The following CACNA1C variants were observed in gnomAD, a reference collection of about 807,000 sequenced individuals.
CACNA1C encodes the protein voltage-dependent L-type calcium channel subunit alpha-1C.
Under a neutral mutation model 229.0 loss-of-function variants are expected in CACNA1C, and 30 were observed. That is an observed-to-expected ratio of 0.13 (90% CI 0.10 to 0.18). The LOEUF is 0.18. CACNA1C is among the 10% of genes least tolerant of loss of function. The pLI is 1.00. For synonymous variants in CACNA1C, 1,114 were observed against 1,132.5 expected (o/e 0.98, Z 0.33); for missense variants, 1,658 against 2,845.0 (o/e 0.58, Z 9.49).
chr12:2,387,486 AAAAG>A (rs150599021), intron 3 of CACNA1C, among the ~76,000 whole-genome samples: 54 of 151,826 alleles, frequency 3.6e-4, no homozygotes, highest in African/African-American at 5.6e-4. Context: ...CTCCATCTCA[AAAAG>A]AAAGAAAGAA....
intron 30 of CACNA1C, among the ~76,000 whole-genome samples, chr12:2,636,621 T>C (rs1008441036): frequency 1.3e-5 from 2 of 152,214 alleles, no homozygotes; most frequent in African/African-American, 4.8e-5. Context: ...ACCTTTCCAG[T>C]GCCTCAGAGT....
At chr12:2,460,703 A>C (rs982344964) in intron 5 of CACNA1C, among the ~76,000 whole-genome samples, 1 of 152,192 alleles carries the variant, frequency 6.6e-6, no homozygotes, top group Non-Finnish European at 1.5e-5. Flanking sequence ...CGTGCAGTCC[A>C]GGAAAATATT....
Position 2,252,294 on chromosome 12 carries a change from C to G in CACNA1C, c.477+131864C>G, listed in dbSNP as rs758170. The stretch of plus-strand genomic sequence containing the variant: ...GCTTGCTTGAAGTGTGTAAATAGTC[C>G]GCCTGAAAAAGAAAGTCCAAAAAAG... On this transcript the variant is annotated intron_variant, in intron 3 of 46. Transcript: ENST00000399655. Among the ~76,000 whole-genome samples the G allele has an allele frequency of 4.6e-5, 7 of 151,996 alleles. No homozygotes were observed. The South Asian group carries it at 1.5e-3, about 32-fold the overall frequency.
In CACNA1C at chr12:2,677,545, A is replaced by G. The variant is rs1291011528; in HGVS notation, c.4957-188A>G. ...AGCCTTCATCCCTCCTGGATGGGCGAGTGGATTGTTCCATCAGAGGGCAGC... is the reference window on the plus strand; with the variant it reads ...AGCCTTCATCCCTCCTGGATGGGCGGGTGGATTGTTCCATCAGAGGGCAGC... On this transcript the variant is annotated intron_variant, in intron 40 of 46. Transcript: ENST00000399655. This position sits in a 1 kb window ranked among gnomAD's most constrained non-coding sequence, Gnocchi z 7.4. The G allele has an allele frequency of 3.0e-6, 2 of 673,384 alleles. No homozygotes were observed. Among genetic ancestry groups the G allele is most frequent in the African/African-American group, 1.8e-5 (1 of 55,594 alleles). The allele number at this position is 673,384 out of a possible 1,614,324, so 41.7% of individuals were successfully genotyped here. A position where few individuals can be genotyped will look rare whatever the true frequency, so the allele number is the denominator to read the frequency against.
At chr12:2,052,429 A>C (rs1716534514), upstream of CACNA1C, among the ~76,000 whole-genome samples, 1 of 151,990 alleles carries the variant, frequency 6.6e-6, no homozygotes, top group Non-Finnish European at 1.5e-5. Context: ...ATCCGAAACG[A>C]GACTCTGGTA....
At chr12:2,395,275 A>G (rs1210478887) in intron 3 of CACNA1C, among the ~76,000 whole-genome samples, 1 of 150,486 alleles carries the variant, frequency 6.6e-6, no homozygotes, top group Admixed American at 6.6e-5. Flanking sequence ...CTGAAGTGCA[A>G]TGACATGATC....
At chr12:2,416,686 C>T (rs1370171200) in intron 3 of CACNA1C, among the ~76,000 whole-genome samples, 1 of 152,204 alleles carries the variant, frequency 6.6e-6, no homozygotes, top group Non-Finnish European at 1.5e-5. Context: ...ACTCCACCCA[C>T]CATGCCAGGG....
intron 3 of CACNA1C, among the ~76,000 whole-genome samples, chr12:2,211,358 A>G (rs781738283): frequency 6.6e-5 from 10 of 152,226 alleles, no homozygotes; most frequent in Admixed American, 2.0e-4. Flanking sequence ...TTGTGGGCAC[A>G]TGGCTTCACC....
intron 9 of CACNA1C, among the ~76,000 whole-genome samples, chr12:2,548,053 A>G (rs527443287): frequency 6.6e-6 from 1 of 152,144 alleles, no homozygotes; most frequent in South Asian, 2.1e-4. Context: ...GTAGAGAGCT[A>G]AAAACTAAAA....
intron 5 of CACNA1C, among the ~76,000 whole-genome samples, chr12:2,473,704 C>A (rs1382118870): frequency 6.6e-6 from 1 of 152,128 alleles, no homozygotes; most frequent in African/African-American, 2.4e-5. Context: ...TTATTGATAG[C>A]AGAAGAGGAA....
intron 10 of CACNA1C, 132 bp from the exon 11 acceptor site, chr12:2,556,819 T>C (rs2044560367): frequency 2.6e-6 from 2 of 763,306 alleles, no homozygotes; most frequent in Non-Finnish European, 2.4e-6. Context: ...GATGTTCTAG[T>C]TCACACCATG....
intron 3 of CACNA1C, among the ~76,000 whole-genome samples, chr12:2,177,470 T>C (rs2096680339): frequency 6.6e-6 from 1 of 151,970 alleles, no homozygotes; most frequent in Non-Finnish European, 1.5e-5. Context: ...TCTCCCTTTC[T>C]TTCTTTCTCT....
At position 2,675,132 on chromosome 12, in the gene CACNA1C, A is replaced by G. The variant is rs2096738944; in HGVS notation, c.4828+490A>G. On this transcript the variant is annotated intron_variant, in intron 39 of 46. Transcript: ENST00000399655. The stretch of plus-strand genomic sequence containing the variant: ...CAAGCCTCAAATCCCTTTTTATAGC[A>G]AAGAGTTTATATTGCCTTTACTATG... 1.3e-5 allele frequency among the ~76,000 whole-genome samples: 2 copies of G among 152,122 alleles called. 1 individual carries two copies. The highest frequency in any genetic ancestry group is 4.1e-4 in the South Asian group (2 of 4,822).
At chr12:2,463,986 A>G (rs889357201) in intron 5 of CACNA1C, among the ~76,000 whole-genome samples, 2 of 152,312 alleles carry the variant, frequency 1.3e-5, no homozygotes, top group Admixed American at 1.3e-4. Context: ...TGCAATGTAT[A>G]TGCAAGGAGT....
intron 7 of CACNA1C, among the ~76,000 whole-genome samples, chr12:2,503,624 A>G (rs2099765374): frequency 6.6e-6 from 1 of 152,204 alleles, no homozygotes; most frequent in Non-Finnish European, 1.5e-5. Flanking sequence ...TCAAGCTGCC[A>G]GTGTGGTCAA....
chr12:2,503,883 A>T (rs968272412), intron 7 of CACNA1C, among the ~76,000 whole-genome samples: 2 of 152,196 alleles, frequency 1.3e-5, no homozygotes, highest in African/African-American at 4.8e-5. Flanking sequence ...GGCCCGCAGT[A>T]CGTGTGAAGC....
intron 8 of CACNA1C, among the ~76,000 whole-genome samples, chr12:2,505,260 G>A (rs2099769072): frequency 6.6e-6 from 1 of 152,092 alleles, no homozygotes; most frequent in African/African-American, 2.4e-5. Context: ...GAACAGGCCT[G>A]GGTAAGAAAA....
intron 8 of CACNA1C, among the ~76,000 whole-genome samples, chr12:2,508,795 T>C (rs1168858157): frequency 6.6e-6 from 1 of 152,144 alleles, no homozygotes; most frequent in African/African-American, 2.4e-5. Context: ...AAAGAATAGA[T>C]ATTAAAGGAT....
At chr12:2,592,103 G>A (rs1333868553) in intron 18 of CACNA1C, among the ~76,000 whole-genome samples, 1 of 152,214 alleles carries the variant, frequency 6.6e-6, no homozygotes, top group Non-Finnish European at 1.5e-5. Context: ...GTTTGCGGGG[G>A]AAACTGTTCA....
Sources: gnomAD v4.1 joint callset for allele counts (sites outside exome capture counted in the v4.1 genomes callset) on GRCh38, gnomAD v4.1.1 for gene constraint, Gnocchi (gnomAD v3.1) non-coding constraint, MANE v1.5 for transcripts, NCBI Gene and HGNC (gene_info 2026-07-23, HGNC 2026-07-21) for gene names.